The following COL10A1 variants were observed in gnomAD, a reference collection of about 807,000 sequenced individuals.
COL10A1 encodes the protein collagen alpha-1(X) chain.
In COL10A1, 10 loss-of-function variants were observed where a neutral mutation model predicts 18.2. The observed-to-expected ratio is 0.55, with a 90% CI of 0.34 to 0.93. The LOEUF (loss-of-function observed/expected upper bound fraction) is 0.93, where lower values mean the gene tolerates loss of function less well. Ranked by LOEUF, COL10A1 falls within the 40% of genes least tolerant of loss-of-function variation. The pLI is 0.02. For synonymous variants in COL10A1, 330 were observed against 316.6 expected (o/e 1.04, Z -0.45); for missense variants, 897 against 853.5 (o/e 1.05, Z -0.64).
the COL10A1 span, among the ~76,000 whole-genome samples, chr6:116,180,809 A>T: frequency 6.6e-6 from 1 of 152,006 alleles, no homozygotes; most frequent in South Asian, 2.1e-4. Flanking sequence ...ATGAAGGAGA[A>T]CTGTAGGTTA....
At chr6:116,177,485 T>C in the COL10A1 span, among the ~76,000 whole-genome samples, 1 of 152,182 alleles carries the variant, frequency 6.6e-6, no homozygotes, top group Non-Finnish European at 1.5e-5. Context: ...TTCTCTTTAA[T>C]GATATAAATT....
the COL10A1 span, among the ~76,000 whole-genome samples, chr6:116,166,447 C>A: frequency 9.2e-5 from 14 of 152,130 alleles, no homozygotes; most frequent in African/African-American, 3.1e-4. Context: ...TAAGAAATCA[C>A]AATGGAAGAA....
chr6:116,170,256 G>C, the COL10A1 span, among the ~76,000 whole-genome samples: 1 of 152,144 alleles, frequency 6.6e-6, no homozygotes, highest in Non-Finnish European at 1.5e-5. Context: ...CCCCACCAGT[G>C]ATTGGGGGGT....
chr6:116,202,923 A>G, the COL10A1 span, among the ~76,000 whole-genome samples: 2 of 152,000 alleles, frequency 1.3e-5, no homozygotes, highest in Admixed American at 6.6e-5. Context: ...ACTAGGGGTA[A>G]TGTAGTAATG....
At chr6:116,197,582 A>G in the COL10A1 span, among the ~76,000 whole-genome samples, 1 of 152,078 alleles carries the variant, frequency 6.6e-6, no homozygotes, top group Non-Finnish European at 1.5e-5. Flanking sequence ...ACAGTATAAT[A>G]CAGTAATGAA....
chr6:116,193,301 G>T, the COL10A1 span, among the ~76,000 whole-genome samples: 1 of 151,964 alleles, frequency 6.6e-6, no homozygotes, highest in African/African-American at 2.4e-5. Flanking sequence ...GGAGTGCTGT[G>T]ATAACAAAAC....
the COL10A1 span, among the ~76,000 whole-genome samples, chr6:116,195,145 C>T: frequency 6.6e-6 from 1 of 151,998 alleles, no homozygotes; most frequent in South Asian, 2.1e-4. Context: ...TGTTAGTTCT[C>T]TTGTTCACTG....
rs938441824 is a variant in COL10A1 at position 116,119,920 on chromosome 6, G to C, written c.*153C>G. On this transcript the variant is annotated 3_prime_UTR_variant, in exon 3 of 3. Transcript: ENST00000651968. ...TTTTTACGTTGCTGCTCACTTTTCA[G>C]GGGGAAGGTTTGTTGGTCTGATAGC... 5.4e-6 allele frequency: 4 copies of C among 734,896 alleles called. No individual in the cohort carries two copies. The highest frequency in any genetic ancestry group is 9.2e-6 in the Non-Finnish European group (4 of 432,586). The allele number at this position is 734,896 out of a possible 1,614,324, so 45.5% of individuals were successfully genotyped here.
the COL10A1 span, among the ~76,000 whole-genome samples, chr6:116,184,622 A>G: frequency 7.6e-4 from 115 of 152,066 alleles, no homozygotes; most frequent in African/African-American, 2.6e-3. Flanking sequence ...GGAGGGTTGT[A>G]TATTTCCAGG....
upstream of COL10A1, among the ~76,000 whole-genome samples, chr6:116,163,141 A>AATATATATATATATATATATATAT (rs1554197063): frequency 1.1e-5 from 1 of 88,388 alleles, no homozygotes; most frequent in Non-Finnish European, 2.0e-5. Context: ...AAAAAAAAAA[A>AATATATATATATATATATATATAT]ATATATATAT....
chr6:116,173,358 A>G, the COL10A1 span, among the ~76,000 whole-genome samples: 4 of 152,312 alleles, frequency 2.6e-5, no homozygotes, highest in African/African-American at 9.6e-5. Context: ...AACAATCTGA[A>G]GTTGAAATAC....
At chr6:116,163,147 T>A (rs1237033132), upstream of COL10A1, among the ~76,000 whole-genome samples, 157 of 86,552 alleles carry the variant, frequency 1.8e-3, 1 homozygote, top group African/African-American at 5.0e-3. Flanking sequence ...AAAAAATATA[T>A]ATATATATAT....
chr6:116,188,333 G>A, the COL10A1 span, among the ~76,000 whole-genome samples: 1 of 151,978 alleles, frequency 6.6e-6, no homozygotes, highest in Non-Finnish European at 1.5e-5. Flanking sequence ...GCCATATTAG[G>A]CTGCAATATA....
intron 1 of COL10A1, among the ~76,000 whole-genome samples, chr6:116,131,722 T>C (rs962984935): frequency 2.6e-5 from 4 of 152,180 alleles, no homozygotes; most frequent in African/African-American, 4.8e-5. Context: ...GTGTGTTACA[T>C]AGGTAAACTT....
chr6:116,120,833 C>T lies in COL10A1; in HGVS notation c.1283G>A (p.Gly428Glu), dbSNP rs1477760315. The T allele has an allele frequency of 2.5e-6, 4 of 1,613,870 alleles. No individual in the cohort carries two copies. The African/African-American group carries it at 5.3e-5, about 22-fold the overall frequency. The part of the protein sequence containing the change: ...PGLPGPVGPA[G>E]AKGMPGHNGE... ...ATTGTGTCCGGGCATTCCCTTTGCT[C>T]CTGCTGGGCCCACAGGGCCTGGGAG... The change falls in exon 3 of 3, where the codon GGA becomes GAA. Residue 428 changes from glycine to glutamate, a missense_variant. By Grantham distance (98) the Gly-to-Glu change is moderately conservative. Transcript: ENST00000651968.
the COL10A1 span, among the ~76,000 whole-genome samples, chr6:116,189,354 A>G: frequency 6.6e-6 from 1 of 151,880 alleles, no homozygotes; most frequent in East Asian, 1.9e-4. Context: ...ACTTACATAT[A>G]GTTCCAGTAT....
At chr6:116,164,067 T>C in the COL10A1 span, among the ~76,000 whole-genome samples, 1 of 152,188 alleles carries the variant, frequency 6.6e-6, no homozygotes, top group Non-Finnish European at 1.5e-5. Flanking sequence ...AAATGTATAT[T>C]CTTTGGTTGT....
At chr6:116,166,796 C>G in the COL10A1 span, among the ~76,000 whole-genome samples, 5 of 151,922 alleles carry the variant, frequency 3.3e-5, no homozygotes, top group Non-Finnish European at 5.9e-5. Context: ...AAAATGGTTC[C>G]CTGATGTAAA....
At chr6:116,137,946 G>T (rs1006719343) in intron 1 of COL10A1, among the ~76,000 whole-genome samples, 1 of 152,216 alleles carries the variant, frequency 6.6e-6, no homozygotes, top group Non-Finnish European at 1.5e-5. Flanking sequence ...AGGCGTGGTG[G>T]TGTGTGTCTG....
Sources: gnomAD v4.1 joint callset for allele counts (sites outside exome capture counted in the v4.1 genomes callset) on GRCh38, gnomAD v4.1.1 for gene constraint, MANE v1.5 for transcripts, NCBI Gene and HGNC (gene_info 2026-07-23, HGNC 2026-07-21) for gene names.